The following DACH1 variants were observed in gnomAD, a reference collection of about 807,000 sequenced individuals.
The protein encoded by DACH1 is dachshund family transcription factor 1.
A neutral mutation model predicts 54.2 loss-of-function variants in DACH1; 12 were observed. That is an observed-to-expected ratio of 0.22 (90% confidence interval 0.14 to 0.36). The LOEUF (loss-of-function observed/expected upper bound fraction) is 0.36, where lower values mean the gene tolerates loss of function less well. Among genes scored for constraint, DACH1 ranks in the 10% least tolerant of loss-of-function variants. The pLI is 1.00. For synonymous variants in DACH1, 386 were observed against 366.2 expected, an observed-to-expected ratio of 1.05 and a Z score of -0.62; for missense variants, 805 against 929.8, an observed-to-expected ratio of 0.87 and a Z score of 1.75.
At chr13:71,531,266 C>G (rs1882397284) in intron 6 of DACH1, among the ~76,000 whole-genome samples, 1 of 151,960 alleles carries the variant, frequency 6.6e-6, no homozygotes, top group Admixed American at 6.6e-5. Context: ...ATTTATCATG[C>G]ATGTATAAAT....
At chr13:71,716,804 A>G (rs1239929350) in intron 1 of DACH1, among the ~76,000 whole-genome samples, 1 of 152,152 alleles carries the variant, frequency 6.6e-6, no homozygotes, top group Non-Finnish European at 1.5e-5. Flanking sequence ...TGAAGAAGAA[A>G]CAAATGAATT....
intron 1 of DACH1, among the ~76,000 whole-genome samples, chr13:71,697,761 T>C (rs1003798494): frequency 7.2e-5 from 11 of 152,232 alleles, no homozygotes; most frequent in African/African-American, 2.7e-4. Flanking sequence ...TTCTTTCTTA[T>C]ATATTCATGG....
At chr13:71,807,495 C>T (rs1887553570) in intron 1 of DACH1, among the ~76,000 whole-genome samples, 1 of 149,600 alleles carries the variant, frequency 6.7e-6, no homozygotes, top group African/African-American at 2.5e-5. Flanking sequence ...TGGGCAACTT[C>T]ATAAATCTTT....
chr13:71,682,858 T>C (rs1035070382), intron 1 of DACH1, among the ~76,000 whole-genome samples: 1 of 152,156 alleles, frequency 6.6e-6, no homozygotes, highest in African/African-American at 2.4e-5. Flanking sequence ...AAGTATATAA[T>C]ATTACAATTT....
chr13:71,704,458 A>G, intron 1 of DACH1: 1 of 359,074 alleles, frequency 2.8e-6, no homozygotes, highest in South Asian at 2.7e-5. Context: ...TACTGAGTAT[A>G]TGAAGAACTC....
intron 1 of DACH1, among the ~76,000 whole-genome samples, chr13:71,719,928 C>T (rs1381757858): frequency 6.6e-6 from 1 of 152,094 alleles, no homozygotes; most frequent in Non-Finnish European, 1.5e-5. Context: ...TTAACTGTTT[C>T]TACTTTTAGT....
chr13:71,585,800 C>T (rs1293848833), intron 3 of DACH1, among the ~76,000 whole-genome samples: 2 of 152,076 alleles, frequency 1.3e-5, no homozygotes, highest in Admixed American at 6.6e-5. Context: ...AACTCATCAT[C>T]AGGAATAATC....
chr13:71,654,443 A>ATAAAG (rs1878928496), intron 2 of DACH1, among the ~76,000 whole-genome samples: 27 of 131,676 alleles, frequency 2.1e-4, no homozygotes, highest in South Asian at 1.3e-3. Flanking sequence ...ATAAAATAAA[A>ATAAAG]TAAAATAAAA....
At chr13:71,774,636 C>T (rs500830) in intron 1 of DACH1, among the ~76,000 whole-genome samples, 76,509 of 151,862 alleles carry the variant, frequency 0.5, 20,677 homozygotes, top group East Asian at 0.87. Flanking sequence ...ATTTTAAAAG[C>T]TTAGTAACTT....
intron 1 of DACH1, among the ~76,000 whole-genome samples, chr13:71,724,688 A>G (rs1883392454): frequency 6.6e-6 from 1 of 152,280 alleles, no homozygotes; most frequent in South Asian, 2.1e-4. Context: ...TAGTTATGAT[A>G]TCAAAAGAAA....
At chr13:71,741,018 C>A (rs1470929404) in intron 1 of DACH1, among the ~76,000 whole-genome samples, 1 of 152,040 alleles carries the variant, frequency 6.6e-6, no homozygotes, top group African/African-American at 2.4e-5. Context: ...AGCCCAGTAG[C>A]AATATACTCT....
intron 1 of DACH1, among the ~76,000 whole-genome samples, chr13:71,847,455 C>A (rs925299104): frequency 7.2e-5 from 11 of 151,984 alleles, no homozygotes; most frequent in African/African-American, 2.7e-4. Flanking sequence ...AACTATACAC[C>A]ACAATAATCC....
At chr13:71,851,353 C>T (rs1189054271) in intron 1 of DACH1, among the ~76,000 whole-genome samples, 3 of 152,114 alleles carry the variant, frequency 2.0e-5, no homozygotes, top group Non-Finnish European at 4.4e-5. Context: ...TTATAATTTA[C>T]ATTACATTTA....
intron 1 of DACH1, among the ~76,000 whole-genome samples, chr13:71,683,582 C>T (rs570806385): frequency 1.3e-5 from 2 of 152,216 alleles, no homozygotes; most frequent in South Asian, 2.1e-4. Context: ...ACGAGCAAGA[C>T]TGTTTGCTTG....
intron 6 of DACH1, among the ~76,000 whole-genome samples, chr13:71,506,784 T>C (rs7327842): frequency 0.89 from 130,556 of 147,506 alleles, 59,344 homozygotes; most frequent in Non-Finnish European, 0.99. Flanking sequence ...TTGATAAACC[T>C]GAGAAAAACA....
At chr13:71,446,963 T>C (rs1377145114) in intron 10 of DACH1, among the ~76,000 whole-genome samples, 2 of 152,240 alleles carry the variant, frequency 1.3e-5, no homozygotes, top group Non-Finnish European at 2.9e-5. Context: ...AAAAGTCTGT[T>C]CTAATTAAAA....
At chr13:71,713,439 G>A (rs7333153) in intron 1 of DACH1, among the ~76,000 whole-genome samples, 7,624 of 152,136 alleles carry the variant, frequency 0.05, 607 homozygotes, top group African/African-American at 0.17. Flanking sequence ...CACTACCAAA[G>A]TTTATTTGCA....
intron 1 of DACH1, among the ~76,000 whole-genome samples, chr13:71,827,521 T>C (rs376569291): frequency 7.2e-5 from 11 of 152,174 alleles, no homozygotes; most frequent in East Asian, 1.9e-4. Context: ...GATTCCATAA[T>C]AGCAGAAGCG....
At chr13:71,635,369 C>A (rs1877404919) in intron 2 of DACH1, among the ~76,000 whole-genome samples, 1 of 152,100 alleles carries the variant, frequency 6.6e-6, no homozygotes, top group African/African-American at 2.4e-5. Context: ...CCTTTCAAAT[C>A]CCTGATGTAA....
Sources: gnomAD v4.1 joint callset for allele counts (sites outside exome capture counted in the v4.1 genomes callset) on GRCh38, gnomAD v4.1.1 for gene constraint, MANE v1.5 for transcripts, NCBI Gene and HGNC (gene_info 2026-07-23, HGNC 2026-07-21) for gene names.